Variants in ZFR2 observed in about 807,000 individuals in gnomAD.
ZFR2 encodes zinc finger RNA binding protein 2.
In ZFR2, 104 loss-of-function variants were observed where a neutral mutation model predicts 105.7. That is an observed-to-expected ratio of 0.98 (90% CI 0.84 to 1.16). The LOEUF is 1.16. Among genes scored for constraint, ZFR2 ranks in the 50% most tolerant of loss-of-function variants. The pLI is 0.00. For synonymous variants in ZFR2, 634 were observed against 597.7 expected (o/e 1.06, Z -0.89); for missense variants, 1,425 against 1,355.5 (o/e 1.05, Z -0.80).
chr19:3,807,146 C>A, intron 18 of ZFR2, 26 bp downstream of exon 18: 1 of 1,532,048 alleles, frequency 6.5e-7, no homozygotes, highest in Non-Finnish European at 8.8e-7. Flanking sequence ...CTGGGTGTCA[C>A]CCTTGCCGTG....
In ZFR2 at chr19:3,868,981, C is replaced by G. The variant is rs2038468220; in HGVS notation, c.37G>C (p.Gly13Arg). Residue 13 changes from glycine (G) to arginine (R), a missense_variant, in exon 1 of 19, where the codon GGC becomes CGC. Physicochemically the swap from Gly to Arg is moderately radical, Grantham distance 125 (BLOSUM62 -2). Coordinates refer to ENST00000262961, the MANE Select transcript of ZFR2 (RefSeq NM_015174.2). Reference protein sequence around the residue: ...TSQYFDFAQGGGPQYSAQPPT... With the variant: ...TSQYFDFAQGRGPQYSAQPPT... Reference sequence around the variant, plus strand: ...GGCAGTTACCTGTACTGCGGGCCGCCGCCCTGCGCGAAGTCGAAATACTGA... The same window carrying G: ...GGCAGTTACCTGTACTGCGGGCCGCGGCCCTGCGCGAAGTCGAAATACTGA... The G allele has an allele frequency of 7.3e-7, 1 of 1,368,146 alleles. No homozygotes were observed. The highest frequency in any genetic ancestry group is 9.5e-7 in the Non-Finnish European group (1 of 1,050,582). 84.8% of individuals were successfully genotyped at this position (1,368,146 alleles called of 1,614,324 possible). A position where few individuals can be genotyped will look rare whatever the true frequency, so the allele number is the denominator to read the frequency against.
chr19:3,840,022 T>C (rs1450852785), intron 1 of ZFR2, among the ~76,000 whole-genome samples: 1 of 152,128 alleles, frequency 6.6e-6, no homozygotes, highest in East Asian at 1.9e-4. Context: ...GTTCTTATTG[T>C]GTATGTCACC....
chr19:3,808,521 G>T (rs373434566), intron 17 of ZFR2, among the ~76,000 whole-genome samples: 1 of 152,236 alleles, frequency 6.6e-6, no homozygotes, highest in Non-Finnish European at 1.5e-5. Flanking sequence ...ATAATCTTTG[G>T]AGGACAGGCA....
At position 3,866,281 on chromosome 19, in the gene ZFR2, G is replaced by C. The variant is rs1332450121; in HGVS notation, c.53+2684C>G. ...GTTTTGTGAGAATGAAATGTATTTT[G>C]CTATGATTCCTGTGTTATTTTTAGT... On this transcript the variant is annotated intron_variant, in intron 1 of 18. Coordinates refer to ENST00000262961, the MANE Select transcript of ZFR2 (RefSeq NM_015174.2). Among the ~76,000 whole-genome samples the C allele has an allele frequency of 6.6e-5, 10 of 152,140 alleles. No individual in the cohort carries two copies. The East Asian group carries it at 1.9e-3, about 29-fold the overall frequency.
At position 3,820,166 on chromosome 19, in the gene ZFR2, A is replaced by G; in HGVS notation, c.1740+16T>C. On this transcript the variant is annotated intron_variant, in intron 11 of 18. Transcript: ENST00000262961. Reference sequence around the variant, plus strand: ...TGAGGTCGCCCGCGTTTGCACACAGAGGAAACTGTACCTACCTGGAGTGGG... The same window carrying G: ...TGAGGTCGCCCGCGTTTGCACACAGGGGAAACTGTACCTACCTGGAGTGGG... The G allele has an allele frequency of 6.4e-7, 1 of 1,550,792 alleles. No individual in the cohort carries two copies. The highest frequency in any genetic ancestry group is 8.7e-7 in the Non-Finnish European group (1 of 1,146,678).
intron 1 of ZFR2, among the ~76,000 whole-genome samples, chr19:3,839,458 A>AGGAGGC (rs1051283318): frequency 1.4e-5 from 2 of 144,206 alleles, no homozygotes; most frequent in Admixed American, 7.4e-5. Flanking sequence ...GCTGGAACCC[A>AGGAGGC]GGAGGCGGAG....
rs780568632 is a variant in ZFR2, at chr19:3,822,129, G to A, written c.1443C>T (p.Asn481=). Residue 481 remains asparagine, a synonymous_variant, in exon 9 of 19, where the codon AAC becomes AAT. Transcript: ENST00000262961. ...KLCECSFNDL[N]AKDLHVRGRR... ...GCCCCCTCACGTGCAGGTCCTTCGCGTTAAGGTCGTTGAAACTGCACTCGC... is the reference window on the plus strand; with the variant it reads ...GCCCCCTCACGTGCAGGTCCTTCGCATTAAGGTCGTTGAAACTGCACTCGC... 4 of 1,610,238 alleles carry A rather than the reference G, an allele frequency of 2.5e-6. No individual in the cohort carries two copies. Among genetic ancestry groups the A allele is most frequent in the East Asian group, 4.5e-5 (2 of 44,722 alleles).
intron 13 of ZFR2, 137 bp from the exon 14 acceptor site, chr19:3,814,095 G>T: frequency 7.5e-7 from 1 of 1,331,622 alleles, no homozygotes; most frequent in Non-Finnish European, 1.0e-6. Flanking sequence ...CGGGCCCTGT[G>T]CCCTGTGTCT....
chr19:3,811,769 T>C (rs531404892), intron 14 of ZFR2, among the ~76,000 whole-genome samples: 1 of 150,944 alleles, frequency 6.6e-6, no homozygotes, highest in African/African-American at 2.4e-5. Flanking sequence ...TTTTATTTTT[T>C]ACGTATTTAG....
rs367672153 is a variant in ZFR2, at chr19:3,836,707, G to A, written c.54-1724C>T. On this transcript the variant is annotated intron_variant, in intron 1 of 18. Coordinates refer to ENST00000262961, the MANE Select transcript of ZFR2 (RefSeq NM_015174.2). The stretch of plus-strand genomic sequence containing the variant: ...TCATTCACCCTTCAGAGGACATGCG[G>A]CACCATCGCTCCCCACGGTCTAGAC... Among the ~76,000 whole-genome samples the A allele has an allele frequency of 1.6e-4, 24 of 152,276 alleles. No homozygotes were observed. The East Asian group carries it at 4.6e-3, about 29-fold the overall frequency.
intron 1 of ZFR2, among the ~76,000 whole-genome samples, chr19:3,860,778 C>T (rs1429903330): frequency 6.6e-6 from 1 of 152,142 alleles, no homozygotes; most frequent in Non-Finnish European, 1.5e-5. Context: ...CCAAACTGGC[C>T]GACATCTCAG....
intron 1 of ZFR2, among the ~76,000 whole-genome samples, chr19:3,843,240 G>A (rs951099900): frequency 2.6e-5 from 4 of 152,118 alleles, no homozygotes; most frequent in African/African-American, 4.8e-5. Flanking sequence ...GGTGGCCGAG[G>A]CGGGCGGATC....
At chr19:3,808,770 C>T in intron 17 of ZFR2, 102 bp downstream of exon 17, 1 of 1,006,962 alleles carries the variant, frequency 9.9e-7, no homozygotes, top group Non-Finnish European at 1.4e-6. Context: ...GGGCTGGACA[C>T]TTCCTCTGTG....
intron 1 of ZFR2, chr19:3,852,687 A>C (rs2038254070): frequency 9.0e-6 from 6 of 669,952 alleles, no homozygotes; most frequent in Non-Finnish European, 1.7e-5. Context: ...GCATTTTGGC[A>C]ACAATCTGCC....
intron 9 of ZFR2, 88 bp downstream of exon 9, chr19:3,821,993 C>G: frequency 1.1e-5 from 17 of 1,480,648 alleles, no homozygotes; most frequent in Non-Finnish European, 1.5e-5. Context: ...ATCACACGCG[C>G]GGAAGAGGCC....
chr19:3,839,290 T>C (rs1384870523), intron 1 of ZFR2, among the ~76,000 whole-genome samples: 1 of 151,936 alleles, frequency 6.6e-6, no homozygotes, highest in Non-Finnish European at 1.5e-5. Flanking sequence ...CCCAGTACTT[T>C]GGGAGGCCAC....
intron 1 of ZFR2, 54 bp from the exon 2 acceptor site, chr19:3,835,037 T>C: frequency 1.3e-6 from 2 of 1,541,874 alleles, no homozygotes; most frequent in Non-Finnish European, 1.8e-6. Flanking sequence ...AGTTCTCAGG[T>C]GCACTGAGTT....
intron 1 of ZFR2, among the ~76,000 whole-genome samples, chr19:3,854,367 T>C (rs2038274261): frequency 6.6e-6 from 1 of 150,678 alleles, no homozygotes; most frequent in Admixed American, 6.7e-5. Flanking sequence ...CACTCCAGGC[T>C]GGGTGACAGA....
chr19:3,834,479 C>G lies in ZFR2; in HGVS notation c.264+294G>C, dbSNP rs545183992. Among the ~76,000 whole-genome samples the G allele has an allele frequency of 6.6e-6, 1 of 152,274 alleles. No homozygotes were observed. Among genetic ancestry groups the G allele is most frequent in the South Asian group, 2.1e-4 (1 of 4,830 alleles). On this transcript the variant is annotated intron_variant, in intron 2 of 18. Coordinates refer to ENST00000262961, the MANE Select transcript of ZFR2 (RefSeq NM_015174.2). This position sits in a 1 kb window ranked among gnomAD's most constrained non-coding sequence, Gnocchi z 5.3. ...CTGTAACCCAGGCGACCCTCCTCCT[C>G]CTTCATAGTCACTGCTGAAGCTGGG...
Sources: allele counts gnomAD v4.1 joint callset (sites outside exome capture counted in the v4.1 genomes callset), GRCh38; gene constraint gnomAD v4.1.1; non-coding constraint Gnocchi (gnomAD v3.1); transcripts MANE v1.5; gene names NCBI Gene and HGNC (gene_info 2026-07-23, HGNC 2026-07-21).